SEC24A: variants seen among roughly 807,000 people sequenced by gnomAD.
SEC24A encodes the protein protein transport protein Sec24A.
In SEC24A, 93 loss-of-function variants were observed where a neutral mutation model predicts 129.4. The ratio of observed to expected loss-of-function variants is 0.72; its 90% CI spans 0.61 to 0.85. The LOEUF (loss-of-function observed/expected upper bound fraction) is 0.85, where lower values mean the gene tolerates loss of function less well. Ranked by LOEUF, SEC24A falls within the 40% of genes least tolerant of loss-of-function variation. SEC24A has a pLI of 0.00. For missense variants in SEC24A, 1,264 were observed against 1,307.4 expected, an observed-to-expected ratio of 0.97 and a Z score of 0.51; for synonymous variants, 460 against 467.3, an observed-to-expected ratio of 0.98 and a Z score of 0.20.
chr5:134,688,708 C>G (rs1405887650), intron 11 of SEC24A, among the ~76,000 whole-genome samples: 2 of 148,158 alleles, frequency 1.3e-5, no homozygotes, highest in African/African-American at 5.1e-5. Context: ...GAGATGGAGT[C>G]TCACTCTGTC....
At chr5:134,654,013 G>A (rs1290480385) in intron 1 of SEC24A, among the ~76,000 whole-genome samples, 1 of 151,614 alleles carries the variant, frequency 6.6e-6, no homozygotes, top group Non-Finnish European at 1.5e-5. Context: ...AGAAAAATTA[G>A]TCCAGTGTAG....
intron 8 of SEC24A, among the ~76,000 whole-genome samples, chr5:134,679,934 G>C (rs1281044963): frequency 6.6e-6 from 1 of 151,866 alleles, no homozygotes; most frequent in Non-Finnish European, 1.5e-5. Context: ...AAAAAATAAT[G>C]ATAGTATTAC....
chr5:134,670,765 G>A (rs1247357288), intron 3 of SEC24A, among the ~76,000 whole-genome samples: 3 of 152,082 alleles, frequency 2.0e-5, no homozygotes, highest in Non-Finnish European at 2.9e-5. Context: ...CAAGGCACGC[G>A]GATCACGAGG....
intron 16 of SEC24A, 120 bp downstream of exon 16, chr5:134,704,052 T>TTTTATTTATTTA (rs58595047): frequency 3.1e-4 from 118 of 381,298 alleles, no homozygotes; most frequent in African/African-American, 1.4e-3. Context: ...AAATTGCTGT[T>TTTTATTTATTTA]TTTATTTATT....
At chr5:134,693,411 C>T (rs895101487) in intron 12 of SEC24A, 79 of 1,352,002 alleles carry the variant, frequency 5.8e-5, no homozygotes, top group Non-Finnish European at 5.0e-5. Context: ...ATGGAGAAGG[C>T]CATATTTCAT....
intron 9 of SEC24A, among the ~76,000 whole-genome samples, chr5:134,685,191 G>A (rs1473968680): frequency 1.3e-5 from 2 of 151,982 alleles, no homozygotes; most frequent in Non-Finnish European, 2.9e-5. Context: ...GCAATGTAGC[G>A]AGACCCAAGT....
At chr5:134,718,738 G>A (rs1213879418) in intron 20 of SEC24A, among the ~76,000 whole-genome samples, 2 of 152,104 alleles carry the variant, frequency 1.3e-5, no homozygotes, top group Admixed American at 6.6e-5. Context: ...TTGGGAGGCC[G>A]AGGCAGGTAG....
At chr5:134,670,295 G>A (rs1021760062) in intron 3 of SEC24A, among the ~76,000 whole-genome samples, 9 of 152,154 alleles carry the variant, frequency 5.9e-5, no homozygotes, top group Non-Finnish European at 1.2e-4. Context: ...AAGTTTTACT[G>A]TGGTTTTCTG....
chr5:134,693,981 C>T lies in SEC24A; in HGVS notation c.1986+48C>T, dbSNP rs184572631. ...GATAAGGTTTATGCTGGTGTTCCAT[C>T]CCTGTGACCATAGAACTTGTTTTTT... On this transcript the variant is annotated intron_variant, in intron 13 of 22. Transcript: ENST00000398844. 2.9e-4 allele frequency: 435 copies of T among 1,479,082 alleles called. 4 individuals are homozygous for T. The Admixed American group carries it at 7.2e-3, about 24-fold the overall frequency. 91.6% of individuals were successfully genotyped at this position (1,479,082 alleles called of 1,614,324 possible).
chr5:134,723,444 C>T, intron 21 of SEC24A, 123 bp from the exon 22 acceptor site: 1 of 595,532 alleles, frequency 1.7e-6, no homozygotes, highest in Non-Finnish European at 2.9e-6. Context: ...AGCCTGTCAA[C>T]AGAGGCCTTG....
chr5:134,660,709 T>C (rs1750422507), intron 1 of SEC24A, among the ~76,000 whole-genome samples: 1 of 151,446 alleles, frequency 6.6e-6, no homozygotes, highest in Non-Finnish European at 1.5e-5. Context: ...GCGCATACCA[T>C]CAAGGCTGGC....
chr5:134,653,447 C>T (rs144938404), intron 1 of SEC24A, among the ~76,000 whole-genome samples: 1 of 152,180 alleles, frequency 6.6e-6, no homozygotes, highest in East Asian at 1.9e-4. Flanking sequence ...AACAGAGCTG[C>T]ACTCTGTTGC....
intron 9 of SEC24A, 145 bp from the exon 10 acceptor site, chr5:134,686,645 A>G: frequency 2.1e-6 from 1 of 485,174 alleles, no homozygotes; most frequent in Non-Finnish European, 3.6e-6. Flanking sequence ...TCTATAAACA[A>G]TATAGTATAG....
rs186656010 is a variant in SEC24A at position 134,721,108 on chromosome 5, T to C, written c.3063+18T>C. On this transcript the variant is annotated intron_variant, in intron 21 of 22. Transcript: ENST00000398844. ...AGCCTATGGTAAGACTCTTTTATTA[T>C]AGTGATTATAAAGGGCATTTCAAAG... 77 of 1,455,244 alleles carry C rather than the reference T, an allele frequency of 5.3e-5. No homozygotes were observed. In the African/African-American group the frequency reaches 1.0e-3, roughly 19 times the overall value. The allele number at this position is 1,455,244 out of a possible 1,614,324, so 90.1% of individuals were successfully genotyped here.
intron 1 of SEC24A, among the ~76,000 whole-genome samples, chr5:134,658,342 C>T (rs1750323031): frequency 6.6e-6 from 1 of 152,152 alleles, no homozygotes; most frequent in African/African-American, 2.4e-5. Flanking sequence ...TTTGAAACCA[C>T]AGTTGATTTG....
chr5:134,651,364 G>T (rs527406496), intron 1 of SEC24A, among the ~76,000 whole-genome samples: 18 of 149,724 alleles, frequency 1.2e-4, no homozygotes, highest in Non-Finnish European at 1.6e-4. Context: ...GCTCGATCTC[G>T]GCTCACTGCA....
chr5:134,719,147 C>CT (rs1321375923), intron 20 of SEC24A, among the ~76,000 whole-genome samples: 1 of 151,968 alleles, frequency 6.6e-6, no homozygotes, highest in Non-Finnish European at 1.5e-5. Flanking sequence ...TTTAGGATGC[C>CT]AAGGCAGGCG....
chr5:134,656,603 T>G (rs946293776), intron 1 of SEC24A, among the ~76,000 whole-genome samples: 6 of 151,830 alleles, frequency 4.0e-5, no homozygotes, highest in Non-Finnish European at 4.4e-5. Flanking sequence ...TGCCTCAGCC[T>G]CTGAGTAGCT....
chr5:134,688,295 T>C lies in SEC24A; in HGVS notation c.1719T>C (p.Ile573=). 6.6e-7 allele frequency: 1 copy of C among 1,523,366 alleles called. No homozygotes were observed. Among genetic ancestry groups the C allele is most frequent in the Non-Finnish European group, 9.1e-7 (1 of 1,098,558 alleles). The allele number at this position is 1,523,366 out of a possible 1,614,324, so 94.4% of individuals were successfully genotyped here. Residue 573 remains isoleucine, a synonymous_variant, in exon 11 of 23, where the codon ATT becomes ATC. Coordinates refer to ENST00000398844, the MANE Select transcript of SEC24A (RefSeq NM_021982.3). ...SQPQMLIVSD[I]EDVFIPMPEN... ...CTCAGATGCTAATAGTTTCAGATATTGAAGGTATAGATTTATTGAACTACT... is the reference window on the plus strand; with the variant it reads ...CTCAGATGCTAATAGTTTCAGATATCGAAGGTATAGATTTATTGAACTACT...
Sources: gnomAD v4.1 joint callset for allele counts (sites outside exome capture counted in the v4.1 genomes callset) on GRCh38, gnomAD v4.1.1 for gene constraint, MANE v1.5 for transcripts, NCBI Gene and HGNC (gene_info 2026-07-23, HGNC 2026-07-21) for gene names.